Variants in VWA8 observed in about 807,000 individuals in gnomAD.
VWA8 encodes von Willebrand factor A domain-containing protein 8.
In VWA8, 221 loss-of-function variants were observed where a neutral mutation model predicts 241.5. The ratio of observed to expected loss-of-function variants is 0.91; its 90% CI spans 0.82 to 1.02. The LOEUF (loss-of-function observed/expected upper bound fraction) is 1.02, where lower values mean the gene tolerates loss of function less well. VWA8 is among the 50% of genes least tolerant of loss of function. VWA8 has a pLI of 0.00. For synonymous variants in VWA8, 852 were observed against 827.1 expected, an observed-to-expected ratio of 1.03 and a Z score of -0.52; for missense variants, 2,322 against 2,328.7, an observed-to-expected ratio of 1.00 and a Z score of 0.06.
At chr13:41,579,825 C>A (rs1227466693) in intron 42 of VWA8, among the ~76,000 whole-genome samples, 2 of 152,130 alleles carry the variant, frequency 1.3e-5, no homozygotes, top group African/African-American at 4.8e-5. Flanking sequence ...TTTTCTGACA[C>A]TAAATCCATT....
chr13:41,611,464 G>T, intron 39 of VWA8, 112 bp downstream of exon 39: 1 of 1,408,044 alleles, frequency 7.1e-7, no homozygotes. Flanking sequence ...TGAGGTCCGA[G>T]TTGCTGCATG....
intron 37 of VWA8, among the ~76,000 whole-genome samples, chr13:41,669,175 C>T (rs1467777298): frequency 1.3e-5 from 2 of 152,104 alleles, no homozygotes; most frequent in African/African-American, 4.8e-5. Context: ...TACACATGTC[C>T]TGGAAAATGT....
chr13:41,658,512 C>G (rs1460283540), intron 37 of VWA8, among the ~76,000 whole-genome samples: 1 of 152,200 alleles, frequency 6.6e-6, no homozygotes, highest in South Asian at 2.1e-4. Flanking sequence ...TTACCTCACA[C>G]AGCATATTTA....
intron 21 of VWA8, among the ~76,000 whole-genome samples, chr13:41,743,685 A>G (rs1278309278): frequency 6.6e-6 from 1 of 152,200 alleles, no homozygotes; most frequent in East Asian, 1.9e-4. Context: ...CCCTTTAAAA[A>G]TATTTATATC....
chr13:41,669,056 C>T (rs1390817080), intron 37 of VWA8, among the ~76,000 whole-genome samples: 2 of 152,098 alleles, frequency 1.3e-5, no homozygotes, highest in East Asian at 3.9e-4. Context: ...CAACCTCCAC[C>T]TCCCAGGTTC....
intron 25 of VWA8, 60 bp downstream of exon 25, chr13:41,721,310 A>G: frequency 6.4e-7 from 1 of 1,557,620 alleles, no homozygotes; most frequent in Non-Finnish European, 8.8e-7. Flanking sequence ...CAAACTGTAC[A>G]GTCTGAAAAA....
At chr13:41,921,984 C>T (rs1247539460) in intron 2 of VWA8, among the ~76,000 whole-genome samples, 3 of 152,180 alleles carry the variant, frequency 2.0e-5, no homozygotes, top group Non-Finnish European at 4.4e-5. Flanking sequence ...CAAGTCAATC[C>T]TAAGCCAATA....
At chr13:41,878,021 A>C (rs1241186086) in intron 9 of VWA8, among the ~76,000 whole-genome samples, 1 of 152,028 alleles carries the variant, frequency 6.6e-6, no homozygotes, top group East Asian at 1.9e-4. Flanking sequence ...GTGACTAATA[A>C]TTTTTCCTTA....
At chr13:41,596,828 C>CAT (rs2044491713) in intron 40 of VWA8, among the ~76,000 whole-genome samples, 8 of 148,974 alleles carry the variant, frequency 5.4e-5, no homozygotes, top group Admixed American at 5.3e-4. Flanking sequence ...CACACACACA[C>CAT]ACACATCTGT....
rs570344416 is a variant in VWA8, at chr13:41,728,618, CT to C, written c.2638+923del. Among the ~76,000 whole-genome samples, 536 of 142,812 alleles carry C rather than the reference CT, an allele frequency of 3.8e-3. 1 individual carries two copies. Among genetic ancestry groups the C allele is most frequent in the South Asian group, 7.6e-3 (34 of 4,484 alleles). The allele number at this position is 142,812 out of a possible 152,430, so 93.7% of individuals were successfully genotyped here. ...GCAGAATTCTGAGGGTCTGAATGATCTTTTTTTTTTTTTAAGAGAAAGTATT... is the reference window on the plus strand; with the variant it reads ...GCAGAATTCTGAGGGTCTGAATGATCTTTTTTTTTTTTAAGAGAAAGTATT... On this transcript the variant is annotated intron_variant, in intron 23 of 44. Coordinates refer to ENST00000379310, the MANE Select transcript of VWA8 (RefSeq NM_015058.2).
chr13:41,725,146 T>C (rs2045422503), intron 24 of VWA8, among the ~76,000 whole-genome samples: 1 of 151,586 alleles, frequency 6.6e-6, no homozygotes, highest in Non-Finnish European at 1.5e-5. Flanking sequence ...TGAAGAATAA[T>C]ATATGTAAGG....
intron 12 of VWA8, among the ~76,000 whole-genome samples, chr13:41,855,169 G>C (rs1235165855): frequency 6.6e-6 from 1 of 151,854 alleles, no homozygotes; most frequent in African/African-American, 2.4e-5. Flanking sequence ...AGCTGGAAAT[G>C]AGTGGAAAGC....
In VWA8 at chr13:41,826,081, A is replaced by G. The variant is rs182436348; in HGVS notation, c.1700+4448T>C. ...TAACCTATTATAACCCTAAAAAAGA[A>G]CATATTTATTTTCAGAAAGACAAAA... On this transcript the variant is annotated intron_variant, in intron 14 of 44. Coordinates refer to ENST00000379310, the MANE Select transcript of VWA8 (RefSeq NM_015058.2). Among the ~76,000 whole-genome samples, 10 of 152,368 alleles carry G rather than the reference A, an allele frequency of 6.6e-5. No individual in the cohort carries two copies. The East Asian group carries it at 1.9e-3, about 29-fold the overall frequency.
chr13:41,818,859 C>T (rs1389484678), intron 15 of VWA8, among the ~76,000 whole-genome samples: 1 of 152,146 alleles, frequency 6.6e-6, no homozygotes, highest in Non-Finnish European at 1.5e-5. Flanking sequence ...ATGGCCTCCA[C>T]CTGAGGAAAG....
intron 35 of VWA8, among the ~76,000 whole-genome samples, chr13:41,675,839 C>T (rs754785187): frequency 8.1e-4 from 123 of 152,010 alleles, no homozygotes; most frequent in South Asian, 6.2e-4. Flanking sequence ...AAGCATTATC[C>T]TGAGGATTAG....
chr13:41,623,018 T>C (rs1442783882), intron 37 of VWA8, among the ~76,000 whole-genome samples: 3 of 152,188 alleles, frequency 2.0e-5, no homozygotes, highest in Non-Finnish European at 4.4e-5. Flanking sequence ...AATCCCATTC[T>C]CCTTTGTCAG....
rs1038105459 is a variant in VWA8 at position 41,611,438 on chromosome 13, G to A, written c.4877+138C>T. 3 of 1,145,604 alleles carry A rather than the reference G, an allele frequency of 2.6e-6. No homozygotes were observed. The African/African-American group carries it at 4.6e-5, about 18-fold the overall frequency. 71.0% of individuals were successfully genotyped at this position (1,145,604 alleles called of 1,614,324 possible). A position where few individuals can be genotyped will look rare whatever the true frequency, so the allele number is the denominator to read the frequency against. ...GCTGTTTCCGTTAGGGACGGGGATG[G>A]CTGTGGATTTCAGTTTGAGGTCCGA... On this transcript the variant is annotated intron_variant, in intron 39 of 44. Transcript: ENST00000379310.
In VWA8 at chr13:41,950,007, G is replaced by T; in HGVS notation, c.170C>A (p.Thr57Lys). ...GTAGGATACATCTCCAATATTAACT[G>T]TATCACCTAAAAAGAGATTTTAAAA... ...HAGSGADTGD[T>K]VNIGDVSYKL... Residue 57 changes from threonine (T) to lysine (K), a missense_variant, in exon 2 of 45, where the codon ACA (threonine) becomes AAA (lysine). Thr to Lys is a moderately conservative substitution (Grantham distance 78). Transcript: ENST00000379310. 1 of 1,566,256 alleles carries T rather than the reference G, an allele frequency of 6.4e-7. No homozygotes were observed. Among genetic ancestry groups the T allele is most frequent in the Non-Finnish European group, 8.7e-7 (1 of 1,150,096 alleles).
At chr13:41,689,764 G>A (rs192669965) in intron 33 of VWA8, among the ~76,000 whole-genome samples, 3 of 152,118 alleles carry the variant, frequency 2.0e-5, no homozygotes, top group Admixed American at 6.6e-5. Context: ...GCTCCCTGTA[G>A]AAAAGATGTA....
Sources: gnomAD v4.1 joint callset for allele counts (sites outside exome capture counted in the v4.1 genomes callset) on GRCh38, gnomAD v4.1.1 for gene constraint, MANE v1.5 for transcripts, NCBI Gene and HGNC (gene_info 2026-07-23, HGNC 2026-07-21) for gene names.